PTPRD: variants seen among roughly 807,000 people sequenced by gnomAD.
PTPRD encodes the protein protein tyrosine phosphatase receptor type D, also known as receptor-type tyrosine-protein phosphatase delta.
In PTPRD, 34 loss-of-function variants were observed where a neutral mutation model predicts 214.5. The ratio of observed to expected loss-of-function variants is 0.16; its 90% confidence interval spans 0.12 to 0.21. The LOEUF (loss-of-function observed/expected upper bound fraction) is 0.21, where lower values mean the gene tolerates loss of function less well. Among genes scored for constraint, PTPRD ranks in the 10% least tolerant of loss-of-function variants. PTPRD has a pLI of 1.00. For synonymous variants in PTPRD, 1,128 were observed against 845.7 expected (o/e 1.33, Z -5.79); for missense variants, 2,545 against 2,398.7 (o/e 1.06, Z -1.27).
At chr9:9,661,058 A>G (rs915740329) in intron 7 of PTPRD, among the ~76,000 whole-genome samples, 3 of 152,004 alleles carry the variant, frequency 2.0e-5, no homozygotes, top group Non-Finnish European at 2.9e-5. Context: ...CTTTCCATAA[A>G]GAAATGAAAC....
At chr9:8,975,775 A>G (rs908901189) in intron 11 of PTPRD, among the ~76,000 whole-genome samples, 1 of 147,204 alleles carries the variant, frequency 6.8e-6, no homozygotes, top group African/African-American at 2.4e-5. Context: ...ACAGAAAACT[A>G]TATTGAGAAA....
chr9:9,191,449 A>G (rs2099935119), intron 9 of PTPRD, among the ~76,000 whole-genome samples: 2 of 152,136 alleles, frequency 1.3e-5, no homozygotes, highest in Admixed American at 6.6e-5. Flanking sequence ...CCGCTAATGC[A>G]GCTACCTCCA....
At chr9:8,729,542 G>T (rs577362593) in intron 12 of PTPRD, among the ~76,000 whole-genome samples, 3 of 152,100 alleles carry the variant, frequency 2.0e-5, no homozygotes, top group African/African-American at 7.2e-5. Context: ...TAACATTCAC[G>T]AAACACCTAC....
intron 5 of PTPRD, among the ~76,000 whole-genome samples, chr9:9,815,656 T>C (rs1407371570): frequency 6.6e-6 from 1 of 152,112 alleles, no homozygotes; most frequent in Non-Finnish European, 1.5e-5. Flanking sequence ...AAGATACATA[T>C]AGTGATGTAT....
chr9:9,085,536 A>C (rs975107888), intron 10 of PTPRD, among the ~76,000 whole-genome samples: 1 of 152,118 alleles, frequency 6.6e-6, no homozygotes, highest in South Asian at 2.1e-4. Context: ...AACAGTTTAG[A>C]AACTCAGGGC....
intron 10 of PTPRD, among the ~76,000 whole-genome samples, chr9:9,171,860 T>C (rs2130989257): frequency 6.6e-6 from 1 of 152,224 alleles, no homozygotes; most frequent in South Asian, 2.1e-4. Context: ...TTCATTACTG[T>C]CTCAATGATC....
intron 8 of PTPRD, among the ~76,000 whole-genome samples, chr9:9,423,019 C>A (rs975098100): frequency 6.6e-6 from 1 of 152,134 alleles, no homozygotes; most frequent in Non-Finnish European, 1.5e-5. Flanking sequence ...TTGGGGAAAC[C>A]AGAACAAAGC....
chr9:8,842,982 T>C (rs1400876599), intron 11 of PTPRD, among the ~76,000 whole-genome samples: 5 of 152,168 alleles, frequency 3.3e-5, no homozygotes, highest in African/African-American at 4.8e-5. Flanking sequence ...TGTTGACCCA[T>C]TAAGAACATC....
At chr9:10,514,228 A>G (rs1424377068) in intron 2 of PTPRD, among the ~76,000 whole-genome samples, 2 of 152,076 alleles carry the variant, frequency 1.3e-5, no homozygotes, top group African/African-American at 2.4e-5. Flanking sequence ...TCATTTTTGT[A>G]CAAGTATAGA....
chr9:9,668,583 C>A (rs182841195), intron 7 of PTPRD, among the ~76,000 whole-genome samples: 178 of 152,178 alleles, frequency 1.2e-3, no homozygotes, highest in Non-Finnish European at 1.4e-3. Flanking sequence ...CTTCTTTGCT[C>A]ATAATAGATT....
chr9:10,202,928 T>G (rs1564500315), intron 3 of PTPRD, among the ~76,000 whole-genome samples: 1 of 151,810 alleles, frequency 6.6e-6, no homozygotes, highest in Non-Finnish European at 1.5e-5. Flanking sequence ...ACCTTGATCT[T>G]GGACCACCTA....
At chr9:9,113,827 G>A (rs1470855675) in intron 10 of PTPRD, among the ~76,000 whole-genome samples, 1 of 152,116 alleles carries the variant, frequency 6.6e-6, no homozygotes, top group African/African-American at 2.4e-5. Context: ...GACCAAAAAT[G>A]TAAAATGAAA....
chr9:8,488,239 G>C (rs1030882015), intron 27 of PTPRD, among the ~76,000 whole-genome samples: 5 of 152,196 alleles, frequency 3.3e-5, no homozygotes, highest in Non-Finnish European at 7.3e-5. Context: ...CCCAAGTGGA[G>C]ATGTGCTCTG....
intron 3 of PTPRD, among the ~76,000 whole-genome samples, chr9:10,076,656 C>A (rs1308919457): frequency 6.6e-6 from 1 of 152,092 alleles, no homozygotes; most frequent in African/African-American, 2.4e-5. Flanking sequence ...GCTGAAGTGA[C>A]CATCATGTAC....
intron 3 of PTPRD, among the ~76,000 whole-genome samples, chr9:10,176,761 T>C (rs1157425377): frequency 6.6e-6 from 1 of 152,100 alleles, no homozygotes; most frequent in East Asian, 1.9e-4. Flanking sequence ...GAGTAAACCA[T>C]GTTAAGTACT....
intron 11 of PTPRD, among the ~76,000 whole-genome samples, chr9:8,825,636 T>C (rs2097160395): frequency 6.6e-6 from 1 of 152,180 alleles, no homozygotes; most frequent in African/African-American, 2.4e-5. Context: ...GAGTTCGCAG[T>C]GTAAAGTGAA....
chr9:8,633,177 ATTAAAGT>A, intron 14 of PTPRD, 133 bp downstream of exon 14: 6 of 1,072,152 alleles, frequency 5.6e-6, no homozygotes, highest in Non-Finnish European at 7.9e-6. Context: ...CCACTGTCTA[ATTAAAGT>A]TCAAGTCTTA....
chr9:9,840,527 A>T (rs2058040018), intron 5 of PTPRD, among the ~76,000 whole-genome samples: 2 of 152,020 alleles, frequency 1.3e-5, no homozygotes, highest in South Asian at 2.1e-4. Flanking sequence ...TGGTCATTTC[A>T]TTGGAGTAAG....
At chr9:9,711,721 T>C (rs368913767) in intron 7 of PTPRD, among the ~76,000 whole-genome samples, 50 of 152,192 alleles carry the variant, frequency 3.3e-4, no homozygotes, top group African/African-American at 1.2e-3. Flanking sequence ...GGGGAGAAAC[T>C]AGAGACACTG....
Sources: allele counts gnomAD v4.1 joint callset (sites outside exome capture counted in the v4.1 genomes callset), GRCh38; gene constraint gnomAD v4.1.1; transcripts MANE v1.5; gene names NCBI Gene and HGNC (gene_info 2026-07-23, HGNC 2026-07-21).